Variants in HAVCR1 observed in about 807,000 individuals in gnomAD.
HAVCR1 encodes the protein hepatitis A virus cellular receptor 1.
Under a neutral mutation model 32.0 loss-of-function variants are expected in HAVCR1, and 34 were observed. That is an observed-to-expected ratio of 1.06 (90% CI 0.81 to 1.42). The LOEUF is 1.42. HAVCR1 is among the 40% of genes most tolerant of loss of function. The pLI is 0.00. For synonymous variants in HAVCR1, 178 were observed against 170.3 expected (o/e 1.05, Z -0.35); for missense variants, 420 against 442.3 (o/e 0.95, Z 0.45).
intron 6 of HAVCR1, among the ~76,000 whole-genome samples, chr5:157,038,750 T>A (rs1383161910): frequency 6.6e-6 from 1 of 152,164 alleles, no homozygotes; most frequent in East Asian, 1.9e-4. Flanking sequence ...GGAGGCAGGC[T>A]TTGCTTTCAT....
intron 5 of HAVCR1, among the ~76,000 whole-genome samples, chr5:157,045,376 G>A (rs1010111627): frequency 1.3e-5 from 2 of 152,138 alleles, no homozygotes; most frequent in African/African-American, 4.8e-5. Flanking sequence ...AATTAAATTA[G>A]ATGATGCATG....
At chr5:157,063,082 A>G (rs1756522038), upstream of HAVCR1, among the ~76,000 whole-genome samples, 3 of 150,352 alleles carry the variant, frequency 2.0e-5, no homozygotes, top group Admixed American at 2.0e-4. Flanking sequence ...ATCACACACC[A>G]CTGCACTCCA....
At position 157,043,958 on chromosome 5, in the gene HAVCR1, C is replaced by A. The variant is rs1322822277; in HGVS notation, c.782-1276G>T. Among the ~76,000 whole-genome samples the A allele has an allele frequency of 1.3e-5, 2 of 152,188 alleles. 1 individual carries two copies. The highest frequency in any genetic ancestry group is 2.9e-5 in the Non-Finnish European group (2 of 68,044). ...CTGGTGACAATGCTATAGGGCTCAA[C>A]ATGAATAAACTTGGACTAATATCTC... On this transcript the variant is annotated intron_variant, in intron 5 of 8. Coordinates refer to ENST00000523175, the MANE Select transcript of HAVCR1 (RefSeq NM_001173393.3).
At chr5:157,067,897 C>T in the HAVCR1 span, among the ~76,000 whole-genome samples, 3 of 151,962 alleles carry the variant, frequency 2.0e-5, no homozygotes, top group Admixed American at 2.0e-4. Flanking sequence ...AGGATGGTCT[C>T]CATCTCCCAA....
At chr5:157,066,275 T>C in the HAVCR1 span, among the ~76,000 whole-genome samples, 1 of 152,048 alleles carries the variant, frequency 6.6e-6, no homozygotes, top group Non-Finnish European at 1.5e-5. Flanking sequence ...CCCCAGTACT[T>C]TATACTGCAG....
the HAVCR1 span, among the ~76,000 whole-genome samples, chr5:157,065,925 G>A: frequency 2.6e-5 from 4 of 151,202 alleles, no homozygotes; most frequent in African/African-American, 9.7e-5. Flanking sequence ...GCGTGGTGGC[G>A]GGCGCCTATA....
At chr5:157,057,464 A>AAAGG in intron 2 of HAVCR1, among the ~76,000 whole-genome samples, 1 of 144,284 alleles carries the variant, frequency 6.9e-6, no homozygotes, top group Admixed American at 6.9e-5. Context: ...AGAAAGAAAG[A>AAAGG]GAATTGAATG....
At chr5:157,032,331 C>A (rs1178248248) in intron 8 of HAVCR1, among the ~76,000 whole-genome samples, 2 of 152,048 alleles carry the variant, frequency 1.3e-5, no homozygotes, top group African/African-American at 4.8e-5. Flanking sequence ...CCAGCCTAAC[C>A]AACATGGAGA....
At chr5:157,033,613 A>G (rs909250865) in intron 7 of HAVCR1, among the ~76,000 whole-genome samples, 2 of 151,954 alleles carry the variant, frequency 1.3e-5, no homozygotes, top group African/African-American at 4.8e-5. Flanking sequence ...ACTGATGCAC[A>G]TCACAGGAAG....
At chr5:157,044,340 A>AAAGGG (rs199965806) in intron 5 of HAVCR1, among the ~76,000 whole-genome samples, 2,875 of 142,854 alleles carry the variant, frequency 0.02, 215 homozygotes, top group African/African-American at 0.071. Context: ...AGAAGGAAGG[A>AAAGGG]AAGGGAAGGG....
chr5:157,042,674 C>T lies in HAVCR1; in HGVS notation c.790G>A (p.Asp264Asn), dbSNP rs200392856. 1.8e-5 allele frequency: 29 copies of T among 1,578,550 alleles called. No homozygotes were observed. In the African/African-American group the frequency reaches 2.4e-4, roughly 13 times the overall value. Residue 264 changes from aspartate (D) to asparagine (N), a missense_variant, in exon 6 of 9, where the codon GAC becomes AAC. By Grantham distance (23) the Asp-to-Asn change is conservative (BLOSUM62 1). Transcript: ENST00000523175. Reference protein sequence around the residue: ...PLYSYTTDGNDTVTESSDGLW... With the variant: ...PLYSYTTDGNNTVTESSDGLW... The stretch of plus-strand genomic sequence containing the variant: ...CCATCTGAAGACTCTGTCACGGTGT[C>T]ATTCCCATCTACTCAACAAGAAGGA...
chr5:157,035,900 A>G (rs946154272), intron 7 of HAVCR1, among the ~76,000 whole-genome samples: 1 of 152,236 alleles, frequency 6.6e-6, no homozygotes, highest in African/African-American at 2.4e-5. Context: ...TGTTCTAAGT[A>G]ATCTAGGGAA....
At chr5:157,036,442 G>A (rs957794901) in intron 7 of HAVCR1, among the ~76,000 whole-genome samples, 1 of 152,192 alleles carries the variant, frequency 6.6e-6, no homozygotes, top group Non-Finnish European at 1.5e-5. Flanking sequence ...TCGTGCCATT[G>A]CACTCCAGCC....
intron 3 of HAVCR1, 92 bp downstream of exon 3, chr5:157,055,109 G>A (rs770759659): frequency 6.6e-5 from 44 of 667,912 alleles, no homozygotes; most frequent in East Asian, 1.1e-4. Flanking sequence ...CAGGACTTAC[G>A]GGAACCTCCT....
At chr5:157,042,099 C>G (rs755808647) in intron 6 of HAVCR1, among the ~76,000 whole-genome samples, 1 of 151,882 alleles carries the variant, frequency 6.6e-6, no homozygotes, top group Non-Finnish European at 1.5e-5. Flanking sequence ...TTTCTCCCAA[C>G]AGAAAGTCTG....
intron 8 of HAVCR1, among the ~76,000 whole-genome samples, chr5:157,030,589 G>C (rs1304969445): frequency 7.3e-5 from 11 of 151,600 alleles, no homozygotes; most frequent in African/African-American, 2.7e-4. Context: ...GGAGGTAGAG[G>C]TTGCAGTGAG....
the HAVCR1 span, among the ~76,000 whole-genome samples, chr5:157,067,130 A>G: frequency 6.6e-6 from 1 of 152,228 alleles, no homozygotes; most frequent in African/African-American, 2.4e-5. Flanking sequence ...GCACTCAGGT[A>G]TCACTGGAAG....
chr5:157,046,214 G>C lies in HAVCR1; in HGVS notation c.781+2824C>G, dbSNP rs1223098263. Among the ~76,000 whole-genome samples the C allele has an allele frequency of 2.6e-5, 4 of 152,130 alleles. No individual in the cohort carries two copies. In the East Asian group the frequency reaches 7.7e-4, roughly 29 times the overall value. On this transcript the variant is annotated intron_variant, in intron 5 of 8. Coordinates refer to ENST00000523175, the MANE Select transcript of HAVCR1 (RefSeq NM_001173393.3). The stretch of plus-strand genomic sequence containing the variant: ...CTGGGGAGCAGCTGCCTACAGATTG[G>C]CAACAGCTGAGTACAATGAGTCATA...
intron 6 of HAVCR1, among the ~76,000 whole-genome samples, chr5:157,042,159 T>C (rs1368032569): frequency 6.6e-6 from 1 of 152,134 alleles, no homozygotes; most frequent in Non-Finnish European, 1.5e-5. Context: ...TCTTTGGGCA[T>C]CTCTGACAAA....
Sources: allele counts gnomAD v4.1 joint callset (sites outside exome capture counted in the v4.1 genomes callset), GRCh38; gene constraint gnomAD v4.1.1; transcripts MANE v1.5; gene names NCBI Gene and HGNC (gene_info 2026-07-23, HGNC 2026-07-21).